Variants in GRID2 observed in about 807,000 individuals in gnomAD.
GRID2 encodes the protein glutamate ionotropic receptor delta type subunit 2.
In GRID2, 33 loss-of-function variants were observed where a neutral mutation model predicts 114.8. That is an observed-to-expected ratio of 0.29 (90% CI 0.22 to 0.38). The LOEUF is 0.38. Among genes scored for constraint, GRID2 ranks in the 10% least tolerant of loss-of-function variants. GRID2 has a pLI of 1.00. For synonymous variants in GRID2, 505 were observed against 449.9 expected (o/e 1.12, Z -1.55); for missense variants, 1,184 against 1,257.7 (o/e 0.94, Z 0.89).
Position 92,304,084 on chromosome 4 carries a change from G to T in GRID2, c.-573G>T. On this transcript the variant is annotated 5_prime_UTR_variant, in exon 1 of 16. Transcript: ENST00000282020. Reference sequence around the variant, plus strand: ...GTTCACTTTTTCTACCCCTCTTGGAGAGGGCTTTTTTCCCCCCTCCCTGGT... The same window carrying T: ...GTTCACTTTTTCTACCCCTCTTGGATAGGGCTTTTTTCCCCCCTCCCTGGT... The T allele has an allele frequency of 6.3e-6, 1 of 157,848 alleles. No individual in the cohort carries two copies. The highest frequency in any genetic ancestry group is 1.4e-5 in the Non-Finnish European group (1 of 72,102). 9.8% of individuals were successfully genotyped at this position (157,848 alleles called of 1,614,324 possible).
chr4:93,727,337 C>T (rs1730014762), intron 14 of GRID2, among the ~76,000 whole-genome samples: 1 of 152,022 alleles, frequency 6.6e-6, no homozygotes, highest in African/African-American at 2.4e-5. Context: ...GGATGAAGCC[C>T]ACTTGATCAT....
At chr4:92,712,993 T>C (rs1277723796) in intron 2 of GRID2, among the ~76,000 whole-genome samples, 2 of 151,128 alleles carry the variant, frequency 1.3e-5, no homozygotes, top group African/African-American at 2.5e-5. Flanking sequence ...CTTTTTCTTT[T>C]TTCTTTTTTT....
chr4:93,568,058 G>A (rs1735600838), intron 13 of GRID2, among the ~76,000 whole-genome samples: 4 of 152,114 alleles, frequency 2.6e-5, no homozygotes, highest in Admixed American at 2.6e-4. Flanking sequence ...GACACAAATA[G>A]ATACAATCTC....
chr4:92,974,954 T>A (rs542798223), intron 2 of GRID2, among the ~76,000 whole-genome samples: 17 of 151,530 alleles, frequency 1.1e-4, no homozygotes, highest in Non-Finnish European at 1.5e-5. Context: ...TCAGGAGATC[T>A]ACACCATCCT....
intron 13 of GRID2, among the ~76,000 whole-genome samples, chr4:93,528,194 A>T (rs1731108582): frequency 6.6e-6 from 1 of 151,908 alleles, no homozygotes; most frequent in Admixed American, 6.6e-5. Context: ...ACACATATAT[A>T]TCCTGCATTT....
intron 9 of GRID2, among the ~76,000 whole-genome samples, chr4:93,417,877 A>C (rs1221215562): frequency 6.6e-6 from 1 of 151,232 alleles, no homozygotes; most frequent in Non-Finnish European, 1.5e-5. Context: ...GGATTTTTAG[A>C]TTGTTTCCAC....
At chr4:93,169,548 G>A (rs987801504) in intron 4 of GRID2, among the ~76,000 whole-genome samples, 7 of 152,074 alleles carry the variant, frequency 4.6e-5, no homozygotes, top group African/African-American at 1.7e-4. Flanking sequence ...CCTAAAATAG[G>A]AGTCATTGCC....
chr4:93,131,145 ATTTTTTTTTTTTTT>A (rs34215461), intron 4 of GRID2, among the ~76,000 whole-genome samples: 16 of 88,754 alleles, frequency 1.8e-4, no homozygotes, highest in African/African-American at 8.4e-4. Context: ...AGATTAAATA[ATTTTTTTTTTTTTT>A]TTTTTTTTTT....
intron 5 of GRID2, among the ~76,000 whole-genome samples, chr4:93,212,626 A>G (rs974099072): frequency 2.0e-5 from 3 of 152,122 alleles, no homozygotes; most frequent in East Asian, 1.9e-4. Flanking sequence ...ATACCCTTCT[A>G]TTGCCTGATA....
At chr4:93,202,181 T>C (rs1037572292) in intron 4 of GRID2, among the ~76,000 whole-genome samples, 1 of 152,170 alleles carries the variant, frequency 6.6e-6, no homozygotes, top group African/African-American at 2.4e-5. Flanking sequence ...ACCAAGCATA[T>C]TATTAAATAG....
chr4:93,725,785 T>C (rs369161872), intron 14 of GRID2, among the ~76,000 whole-genome samples: 8 of 152,320 alleles, frequency 5.3e-5, no homozygotes, highest in East Asian at 1.9e-4. Context: ...TGTCTTCTTT[T>C]GAGAAGTGTC....
At chr4:92,666,653 T>G (rs528690189) in intron 2 of GRID2, among the ~76,000 whole-genome samples, 31 of 134,958 alleles carry the variant, frequency 2.3e-4, no homozygotes, top group African/African-American at 8.6e-4. Flanking sequence ...AAGGGTTGTT[T>G]TTTTTTTTTT....
intron 12 of GRID2, 57 bp from the exon 13 acceptor site, chr4:93,515,159 A>T: frequency 1.4e-6 from 1 of 703,048 alleles, no homozygotes; most frequent in Non-Finnish European, 2.2e-6. Context: ...CTTTATTCCC[A>T]CTTGAAAATA....
chr4:92,329,331 G>C (rs188422640), intron 1 of GRID2, among the ~76,000 whole-genome samples: 9 of 151,986 alleles, frequency 5.9e-5, no homozygotes, highest in Admixed American at 2.6e-4. Flanking sequence ...TAAAAGGAAA[G>C]AAAACCAAAG....
intron 1 of GRID2, among the ~76,000 whole-genome samples, chr4:92,443,759 C>T (rs564873180): frequency 1.3e-5 from 2 of 152,234 alleles, no homozygotes; most frequent in Non-Finnish European, 2.9e-5. Context: ...GCAGGACTTG[C>T]CGCTAAGGGT....
chr4:92,624,652 G>A (rs1002887076), intron 2 of GRID2, among the ~76,000 whole-genome samples: 3 of 151,622 alleles, frequency 2.0e-5, no homozygotes, highest in Non-Finnish European at 3.0e-5. Flanking sequence ...AAATTCGAAT[G>A]TTTGAAAACA....
At chr4:92,709,563 T>C (rs1257341600) in intron 2 of GRID2, among the ~76,000 whole-genome samples, 2 of 100,846 alleles carry the variant, frequency 2.0e-5, no homozygotes, top group Admixed American at 1.3e-4. Context: ...TTCCTCAAAA[T>C]AGTGTAGAGA....
chr4:93,528,638 G>A (rs1731156482), intron 13 of GRID2, among the ~76,000 whole-genome samples: 2 of 152,038 alleles, frequency 1.3e-5, no homozygotes, highest in African/African-American at 4.8e-5. Flanking sequence ...CAGCATTCCT[G>A]AGAGGTAAGA....
At chr4:93,452,039 G>T (rs1289858068) in intron 10 of GRID2, among the ~76,000 whole-genome samples, 1 of 152,160 alleles carries the variant, frequency 6.6e-6, no homozygotes, top group Non-Finnish European at 1.5e-5. Context: ...TTTGTAAATT[G>T]TGTGTAGATG....
Sources: allele counts gnomAD v4.1 joint callset (sites outside exome capture counted in the v4.1 genomes callset), GRCh38; gene constraint gnomAD v4.1.1; transcripts MANE v1.5; gene names NCBI Gene and HGNC (gene_info 2026-07-23, HGNC 2026-07-21).